Variants in RAD51 observed in about 807,000 individuals in gnomAD.
RAD51 encodes RAD51 recombinase.
Under a neutral mutation model 41.5 loss-of-function variants are expected in RAD51, and 14 were observed. The observed-to-expected ratio is 0.34, with a 90% CI of 0.22 to 0.53. The LOEUF (loss-of-function observed/expected upper bound fraction) is 0.53, where lower values mean the gene tolerates loss of function less well. RAD51 is among the 20% of genes least tolerant of loss of function. RAD51 has a pLI of 0.95. For missense variants in RAD51, 234 were observed against 422.0 expected, an observed-to-expected ratio of 0.55 and a Z score of 3.90; for synonymous variants, 136 against 148.6, an observed-to-expected ratio of 0.92 and a Z score of 0.62.
intron 7 of RAD51, 69 bp from the exon 8 acceptor site, chr15:40,729,436 G>A: frequency 6.5e-7 from 1 of 1,534,774 alleles, no homozygotes; most frequent in East Asian, 2.3e-5. Context: ...AGATTTTAGG[G>A]TGGTAAGGAA....
At chr15:40,713,755 C>T (rs772799004) in intron 5 of RAD51, among the ~76,000 whole-genome samples, 29 of 151,414 alleles carry the variant, frequency 1.9e-4, no homozygotes, top group Non-Finnish European at 3.8e-4. Context: ...TACAGGCGCC[C>T]GCCACCACGC....
intron 7 of RAD51, 54 bp from the exon 8 acceptor site, chr15:40,729,451 C>G (rs1896759747): frequency 6.3e-7 from 1 of 1,594,418 alleles, no homozygotes; most frequent in East Asian, 2.3e-5. Flanking sequence ...AAGGAAGGGA[C>G]CAGAATCTGA....
At chr15:40,715,893 C>T (rs544866867) in intron 5 of RAD51, among the ~76,000 whole-genome samples, 4 of 152,338 alleles carry the variant, frequency 2.6e-5, no homozygotes, top group East Asian at 3.9e-4. Context: ...AATATTTCCT[C>T]CTCTCCAAGA....
At chr15:40,696,943 T>A (rs1303789675) in intron 1 of RAD51, among the ~76,000 whole-genome samples, 2 of 152,222 alleles carry the variant, frequency 1.3e-5, no homozygotes, top group African/African-American at 4.8e-5. Context: ...TTCTATTATC[T>A]TTTTCTTACT....
rs1896906098 is a variant in RAD51 at position 40,732,160 on chromosome 15, G to A, written c.*982G>A. The A allele has an allele frequency of 1.1e-5, 2 of 188,726 alleles. No individual in the cohort carries two copies. The highest frequency in any genetic ancestry group is 4.7e-5 in the African/African-American group (2 of 42,794). 11.7% of individuals were successfully genotyped at this position (188,726 alleles called of 1,614,324 possible). On this transcript the variant is annotated 3_prime_UTR_variant, in exon 10 of 10. Coordinates refer to ENST00000267868, the MANE Select transcript of RAD51 (RefSeq NM_002875.5). The stretch of plus-strand genomic sequence containing the variant: ...AATAAAGTAGTTATTAGTAGTGAAT[G>A]TGCTGTTTATAGCAATTATTGCAGT...
chr15:40,710,277 G>GA (rs1303638080), intron 5 of RAD51, among the ~76,000 whole-genome samples: 6 of 88,972 alleles, frequency 6.7e-5, no homozygotes, highest in South Asian at 3.6e-4. Context: ...AAAAGAAGAA[G>GA]AAAAAAAAAA....
At chr15:40,707,609 C>G (rs1029992049) in intron 4 of RAD51, among the ~76,000 whole-genome samples, 1 of 151,798 alleles carries the variant, frequency 6.6e-6, no homozygotes, top group African/African-American at 2.4e-5. Flanking sequence ...GCCTGGCCCC[C>G]AATGTCAGTT....
intron 5 of RAD51, among the ~76,000 whole-genome samples, chr15:40,713,629 C>T (rs1202008954): frequency 9.2e-5 from 11 of 119,550 alleles, no homozygotes; most frequent in African/African-American, 2.5e-4. Context: ...TTTTTTGAGG[C>T]GGAGTCTCAT....
chr15:40,700,768 C>G (rs966869031), intron 2 of RAD51, among the ~76,000 whole-genome samples: 4 of 152,012 alleles, frequency 2.6e-5, no homozygotes, highest in African/African-American at 9.7e-5. Flanking sequence ...ATTCAACAAA[C>G]TACGTATCAA....
Position 40,730,520 on chromosome 15 carries a change from C to CTTTTTTTTTTTTTCTTTTCT in RAD51, c.897-522_897-521insCTTTTCTTTTTTTTTTTTTT, listed in dbSNP as rs1555429746. Among the ~76,000 whole-genome samples the CTTTTTTTTTTTTTCTTTTCT allele has an allele frequency of 4.4e-3, 503 of 113,060 alleles. 46 individuals are homozygous for CTTTTTTTTTTTTTCTTTTCT. The South Asian group carries it at 0.063, about 14-fold the overall frequency. The allele number at this position is 113,060 out of a possible 152,430, so 74.2% of individuals were successfully genotyped here. A position where few individuals can be genotyped will look rare whatever the true frequency, so the allele number is the denominator to read the frequency against. Reference sequence around the variant, plus strand: ...ACACTGTCTTGAAAAAATTTTTTTTCTTTTTTTTTTTTTTTTTTTGAGATG... The same window carrying CTTTTTTTTTTTTTCTTTTCT: ...ACACTGTCTTGAAAAAATTTTTTTTCTTTTTTTTTTTTTCTTTTCTTTTTTTTTTTTTTTTTTTTGAGATG... On this transcript the variant is annotated intron_variant, in intron 9 of 9. Coordinates refer to ENST00000267868, the MANE Select transcript of RAD51 (RefSeq NM_002875.5).
intron 2 of RAD51, among the ~76,000 whole-genome samples, 184 bp downstream of exon 2, chr15:40,699,029 G>C (rs1894825734): frequency 6.6e-6 from 1 of 152,186 alleles, no homozygotes; most frequent in East Asian, 1.9e-4. Context: ...GTCTGGCAGG[G>C]CCTCTTCCTT....
chr15:40,723,351 C>T (rs1264751949), intron 6 of RAD51, among the ~76,000 whole-genome samples: 1 of 151,892 alleles, frequency 6.6e-6, no homozygotes, highest in African/African-American at 2.4e-5. Flanking sequence ...GTTATATACC[C>T]CAAGAGAAAT....
At chr15:40,721,328 C>T (rs1013475715) in intron 6 of RAD51, among the ~76,000 whole-genome samples, 1 of 151,754 alleles carries the variant, frequency 6.6e-6, no homozygotes, top group Non-Finnish European at 1.5e-5. Flanking sequence ...CCAGAATAGC[C>T]GAAATGTCTG....
chr15:40,709,218 C>A lies in RAD51; in HGVS notation c.435+102C>A. 7.1e-6 allele frequency: 7 copies of A among 982,486 alleles called. No individual in the cohort carries two copies. The South Asian group carries it at 9.2e-5, about 13-fold the overall frequency. 60.9% of individuals were successfully genotyped at this position (982,486 alleles called of 1,614,324 possible). On this transcript the variant is annotated intron_variant, in intron 5 of 9. Transcript: ENST00000267868. Reference sequence around the variant, plus strand: ...TGGCCATAAAAGGTACTTTCTCTGTCCTCAAGAATCTTATAGCTGTTAATA... The same window carrying A: ...TGGCCATAAAAGGTACTTTCTCTGTACTCAAGAATCTTATAGCTGTTAATA...
chr15:40,712,487 G>T (rs1224921734), intron 5 of RAD51, among the ~76,000 whole-genome samples: 1 of 152,158 alleles, frequency 6.6e-6, no homozygotes, highest in African/African-American at 2.4e-5. Context: ...AGAAGAGAAA[G>T]CTAACAAACT....
intron 2 of RAD51, 126 bp from the exon 3 acceptor site, chr15:40,700,938 A>AGGGGCAGTT: frequency 2.3e-6 from 2 of 852,318 alleles, no homozygotes; most frequent in Non-Finnish European, 3.5e-6. Context: ...CGCCCCCCCA[A>AGGGGCAGTT]GGATTTCAAG....
chr15:40,713,606 A>ATTTT (rs1895829586), intron 5 of RAD51, among the ~76,000 whole-genome samples: 1 of 130,830 alleles, frequency 7.6e-6, no homozygotes. Context: ...AAAATGTTAC[A>ATTTT]ATTTTTTTTT....
In RAD51 at chr15:40,729,558, C is replaced by T. The variant is rs751662795; in HGVS notation, c.698C>T (p.Ser233Leu). 9.3e-6 allele frequency: 15 copies of T among 1,613,802 alleles called. No individual in the cohort carries two copies. In the East Asian group the frequency reaches 2.0e-4, roughly 22 times the overall value. Residue 233 changes from serine (S) to leucine (L), a missense_variant, in exon 8 of 10, where the codon TCG becomes TTG. Coordinates refer to ENST00000267868, the MANE Select transcript of RAD51 (RefSeq NM_002875.5). Reference sequence around the variant, plus strand: ...ACCGCCCTTTACAGAACAGACTACTCGGGTCGAGGTGAGCTTTCAGCCAGG... The same window carrying T: ...ACCGCCCTTTACAGAACAGACTACTTGGGTCGAGGTGAGCTTTCAGCCAGG... Reference protein sequence around the residue: ...SATALYRTDYSGRGELSARQM... With the variant: ...SATALYRTDYLGRGELSARQM...
At chr15:40,707,631 G>C (rs186676015) in intron 4 of RAD51, among the ~76,000 whole-genome samples, 3 of 152,052 alleles carry the variant, frequency 2.0e-5, no homozygotes, top group Non-Finnish European at 4.4e-5. Context: ...TCTAATATCA[G>C]TGCTATACTA....
Sources: allele counts gnomAD v4.1 joint callset (sites outside exome capture counted in the v4.1 genomes callset), GRCh38; gene constraint gnomAD v4.1.1; transcripts MANE v1.5; gene names NCBI Gene and HGNC (gene_info 2026-07-23, HGNC 2026-07-21).